The following ADARB2 variants were observed in gnomAD, a reference collection of about 807,000 sequenced individuals.
ADARB2 encodes adenosine deaminase RNA specific B2 (inactive), also known as inactive double-stranded RNA-specific editase B2.
Under a neutral mutation model 62.2 loss-of-function variants are expected in ADARB2, and 25 were observed. The ratio of observed to expected loss-of-function variants is 0.40; its 90% CI spans 0.29 to 0.56. The LOEUF (loss-of-function observed/expected upper bound fraction) is 0.56. Ranked by LOEUF, ADARB2 falls within the 20% of genes least tolerant of loss-of-function variation. The pLI is 0.43. For missense variants in ADARB2, 1,071 were observed against 1,077.4 expected (o/e 0.99, Z 0.08); for synonymous variants, 572 against 500.8 (o/e 1.14, Z -1.90).
At position 1,477,671 on chromosome 10, in the gene ADARB2, C is replaced by T. The variant is rs1448023003; in HGVS notation, c.101-98511G>A. 6.6e-6 allele frequency among the ~76,000 whole-genome samples: 1 copy of T among 152,224 alleles called. No individual in the cohort carries two copies. The highest frequency in any genetic ancestry group is 2.4e-5 in the African/African-American group (1 of 41,464). ...TATGGGGACCAACATGAAGCGTCAG[C>T]CTGTGCGCCTCTTTCCAGACGATAG... On this transcript the variant is annotated intron_variant, in intron 1 of 9. Coordinates refer to ENST00000381312, the MANE Select transcript of ADARB2 (RefSeq NM_018702.4). This position sits in a 1 kb window ranked among gnomAD's most constrained non-coding sequence, Gnocchi z 4.5.
chr10:1,636,003 A>C (rs1291565341), intron 1 of ADARB2, among the ~76,000 whole-genome samples: 2 of 152,170 alleles, frequency 1.3e-5, no homozygotes, highest in Non-Finnish European at 2.9e-5. Context: ...GCCGTGACGA[A>C]GTCCACATGG....
chr10:1,409,216 C>T (rs1387856041), intron 1 of ADARB2, among the ~76,000 whole-genome samples: 1 of 97,334 alleles, frequency 1.0e-5, no homozygotes, highest in African/African-American at 2.9e-5. Context: ...CGGGCTCCCA[C>T]CTTCGTCGCC....
chr10:1,332,341 G>A (rs902765647), intron 3 of ADARB2, among the ~76,000 whole-genome samples: 4 of 151,860 alleles, frequency 2.6e-5, no homozygotes, highest in Admixed American at 1.3e-4. Context: ...GCTTGAGCCC[G>A]GGAGGTTGAG....
intron 8 of ADARB2, among the ~76,000 whole-genome samples, chr10:1,194,812 T>A (rs1396809461): frequency 6.6e-6 from 1 of 152,248 alleles, no homozygotes; most frequent in Non-Finnish European, 1.5e-5. Flanking sequence ...TTTCTCCTAT[T>A]GAGCGTGGTC....
At chr10:1,309,969 C>A (rs1831673776) in intron 3 of ADARB2, among the ~76,000 whole-genome samples, 2 of 152,258 alleles carry the variant, frequency 1.3e-5, no homozygotes, top group South Asian at 4.1e-4. Context: ...CGTCTTCCAT[C>A]CCTGAGATTC....
intron 3 of ADARB2, among the ~76,000 whole-genome samples, chr10:1,294,573 G>A (rs77957350): frequency 0.03 from 4,617 of 152,150 alleles, 268 homozygotes; most frequent in African/African-American, 0.11. Flanking sequence ...CAGTGATGTC[G>A]ACCCTAGGAC....
intron 1 of ADARB2, among the ~76,000 whole-genome samples, chr10:1,389,803 G>C (rs1181814013): frequency 3.3e-5 from 5 of 151,180 alleles, no homozygotes; most frequent in African/African-American, 7.3e-5. Flanking sequence ...AAAAATAAAG[G>C]CTGACGGCGC....
chr10:1,489,086 C>G (rs1831588378), intron 1 of ADARB2, among the ~76,000 whole-genome samples: 1 of 152,254 alleles, frequency 6.6e-6, no homozygotes, highest in African/African-American at 2.4e-5. Context: ...TGCCAGATTT[C>G]TCGCGGCTGT....
At chr10:1,232,023 C>T (rs1397998861) in intron 6 of ADARB2, among the ~76,000 whole-genome samples, 1 of 152,196 alleles carries the variant, frequency 6.6e-6, no homozygotes, top group South Asian at 2.1e-4. Context: ...ACCATGTAGC[C>T]TTCCACCGGA....
At chr10:1,585,947 T>G (rs1833173012) in intron 1 of ADARB2, among the ~76,000 whole-genome samples, 1 of 152,146 alleles carries the variant, frequency 6.6e-6, no homozygotes. Flanking sequence ...GGCAGGAGAA[T>G]GGTGTGAACC....
chr10:1,265,463 G>A (rs1319120354), intron 4 of ADARB2, among the ~76,000 whole-genome samples: 2 of 152,268 alleles, frequency 1.3e-5, no homozygotes, highest in Admixed American at 6.5e-5. Context: ...GAGAGGATTC[G>A]GGAGGGAACA....
At chr10:1,234,480 G>A (rs1037057800) in intron 5 of ADARB2, among the ~76,000 whole-genome samples, 1 of 152,004 alleles carries the variant, frequency 6.6e-6, no homozygotes, top group Admixed American at 6.6e-5. Context: ...CTCTGTTGCT[G>A]CTCATGCTGG....
chr10:1,514,602 C>G (rs1471599290), intron 1 of ADARB2, among the ~76,000 whole-genome samples: 2 of 151,874 alleles, frequency 1.3e-5, no homozygotes, highest in Non-Finnish European at 2.9e-5. Flanking sequence ...GGCCCCTGGC[C>G]TCCTATGGCC....
At position 1,432,922 on chromosome 10, in the gene ADARB2, C is replaced by T. The variant is rs558641440; in HGVS notation, c.101-53762G>A. 3.9e-5 allele frequency among the ~76,000 whole-genome samples: 6 copies of T among 152,122 alleles called. No individual in the cohort carries two copies. In the South Asian group the frequency reaches 1.2e-3, roughly 32 times the overall value. On this transcript the variant is annotated intron_variant, in intron 1 of 9. Coordinates refer to ENST00000381312, the MANE Select transcript of ADARB2 (RefSeq NM_018702.4). ...AGCCATAGCCTCTTCCTAAATATCT[C>T]CTGAACAATGAATACGTGGTTCAAT...
At chr10:1,202,302 T>C (rs913404271) in intron 7 of ADARB2, among the ~76,000 whole-genome samples, 16 of 152,004 alleles carry the variant, frequency 1.1e-4, no homozygotes, top group Admixed American at 9.8e-4. Flanking sequence ...GGCTGGAGTA[T>C]GGTGGTGCAA....
intron 1 of ADARB2, among the ~76,000 whole-genome samples, chr10:1,654,525 C>T (rs140499929): frequency 1.8e-3 from 278 of 152,340 alleles, no homozygotes; most frequent in African/African-American, 6.5e-3. Flanking sequence ...CCCCTCTTTC[C>T]ACCTGTGCAG....
intron 1 of ADARB2, among the ~76,000 whole-genome samples, chr10:1,416,546 C>A (rs1162076340): frequency 6.6e-6 from 1 of 152,192 alleles, no homozygotes; most frequent in African/African-American, 2.4e-5. Context: ...GTGGATGGGC[C>A]GTGGGGAGAG....
chr10:1,190,875 A>G (rs1836833030), intron 8 of ADARB2, among the ~76,000 whole-genome samples: 1 of 152,228 alleles, frequency 6.6e-6, no homozygotes, highest in Admixed American at 6.5e-5. Flanking sequence ...AGGACTTGGC[A>G]TCGGTGGGGG....
At chr10:1,556,653 C>T (rs760538147) in intron 1 of ADARB2, 4 of 533,578 alleles carry the variant, frequency 7.5e-6, no homozygotes, top group Non-Finnish European at 1.5e-5. Flanking sequence ...TCACATTGCG[C>T]TCCAAGTACC....
Sources: allele counts gnomAD v4.1 joint callset (sites outside exome capture counted in the v4.1 genomes callset), GRCh38; gene constraint gnomAD v4.1.1; non-coding constraint Gnocchi (gnomAD v3.1); transcripts MANE v1.5; gene names NCBI Gene and HGNC (gene_info 2026-07-23, HGNC 2026-07-21).